The following PDGFA variants were observed in gnomAD, a reference collection of about 807,000 sequenced individuals.
PDGFA encodes the protein platelet-derived growth factor subunit A.
A neutral mutation model predicts 25.6 loss-of-function variants in PDGFA; 9 were observed. That is an observed-to-expected ratio of 0.35 (90% CI 0.21 to 0.61). PDGFA has a LOEUF of 0.61. Ranked by LOEUF, PDGFA falls within the 20% of genes least tolerant of loss-of-function variation. The pLI, the probability that PDGFA is intolerant of heterozygous loss-of-function variation, is 0.75. For synonymous variants in PDGFA, 133 were observed against 111.8 expected (o/e 1.19, Z -1.20); for missense variants, 242 against 272.8 (o/e 0.89, Z 0.79).
intron 4 of PDGFA, 48 bp downstream of exon 4, chr7:510,761 G>A (rs1336596987): frequency 3.5e-6 from 2 of 578,034 alleles, no homozygotes; most frequent in African/African-American, 6.6e-5. Context: ...GGGGAGGGGA[G>A]AGGAGAGGAG....
intron 2 of PDGFA, among the ~76,000 whole-genome samples, chr7:514,194 C>T (rs959343629): frequency 2.6e-4 from 39 of 152,198 alleles, no homozygotes; most frequent in South Asian, 6.2e-4. Context: ...ATCACTTCTT[C>T]ACATCCGAGG....
rs1783149830 is a variant in PDGFA at position 517,251 on chromosome 7, A to G, written c.160+143T>C. The G allele has an allele frequency of 9.8e-6, 3 of 305,020 alleles. No individual in the cohort carries two copies. The highest frequency in any genetic ancestry group is 2.2e-5 in the African/African-American group (1 of 44,666). 18.9% of individuals were successfully genotyped at this position (305,020 alleles called of 1,614,324 possible). A position where few individuals can be genotyped will look rare whatever the true frequency, so the allele number is the denominator to read the frequency against. On this transcript the variant is annotated intron_variant, in intron 2 of 5. Coordinates refer to ENST00000402802, the Ensembl canonical transcript of PDGFA. The surrounding 1 kb of genome is among the most constrained non-coding windows in gnomAD (Gnocchi z 7.4). Reference sequence around the variant, plus strand: ...AGACTGGAAGAGAAACTCCTGACTCATCCGCCCGGGCGCTTATGGCTGGGG... The same window carrying G: ...AGACTGGAAGAGAAACTCCTGACTCGTCCGCCCGGGCGCTTATGGCTGGGG...
At chr7:506,182 A>T (rs1212712974) in intron 4 of PDGFA, among the ~76,000 whole-genome samples, 1 of 151,484 alleles carries the variant, frequency 6.6e-6, no homozygotes, top group East Asian at 1.9e-4. Flanking sequence ...TCTCAAAAAA[A>T]AAAAAAAAAT....
intron 4 of PDGFA, among the ~76,000 whole-genome samples, chr7:504,320 G>A (rs1290969324): frequency 6.6e-6 from 1 of 152,058 alleles, no homozygotes; most frequent in African/African-American, 2.4e-5. Flanking sequence ...AGGATGAACT[G>A]CAGCAAAGCC....
intron 2 of PDGFA, among the ~76,000 whole-genome samples, chr7:516,915 G>T (rs1783129211): frequency 6.6e-6 from 1 of 152,024 alleles, no homozygotes; most frequent in Admixed American, 6.6e-5. Flanking sequence ...GCACCAGCTC[G>T]CAGGGATTAC....
chr7:509,975 G>C (rs540729451), intron 4 of PDGFA, among the ~76,000 whole-genome samples: 232 of 152,248 alleles, frequency 1.5e-3, no homozygotes, highest in Non-Finnish European at 2.6e-3. Flanking sequence ...TGCTTTAGGG[G>C]GGAAGCCGGG....
intron 4 of PDGFA, among the ~76,000 whole-genome samples, chr7:506,256 C>T (rs1162683885): frequency 6.6e-6 from 1 of 151,662 alleles, no homozygotes; most frequent in African/African-American, 2.4e-5. Context: ...CCAGCCTGGC[C>T]AACAAAGCAA....
chr7:512,311 A>ACCCGG (rs1397406534), intron 3 of PDGFA, 40 bp downstream of exon 3: 1 of 1,541,788 alleles, frequency 6.5e-7, no homozygotes, highest in South Asian at 1.2e-5. Context: ...ACTCACCCTG[A>ACCCGG]CCCGGCCCTG....
intron 5 of PDGFA, among the ~76,000 whole-genome samples, chr7:499,715 G>GCATTCCCCCC (rs1782239155): frequency 3.0e-5 from 1 of 33,184 alleles, no homozygotes; most frequent in African/African-American, 1.8e-4. Flanking sequence ...GTGTTATTTT[G>GCATTCCCCCC]CCCTTCCCCC....
At position 517,582 on chromosome 7, in the gene PDGFA, AG is replaced by A; in HGVS notation, c.64-93del. On this transcript the variant is annotated intron_variant, in intron 1 of 5. Transcript: ENST00000402802. The surrounding 1 kb of genome is among the most constrained non-coding windows in gnomAD (Gnocchi z 7.4). ...CAGGAGCGCCGCCGCCCCGGGCCCG[AG>A]GAGACCCCGCGAGCGCCGGCCGCAG... 1 of 316,672 alleles carries A rather than the reference AG, an allele frequency of 3.2e-6. No homozygotes were observed. Among genetic ancestry groups the A allele is most frequent in the Non-Finnish European group, 4.6e-6 (1 of 216,740 alleles). The allele number at this position is 316,672 out of a possible 1,614,324, so 19.6% of individuals were successfully genotyped here. A position where few individuals can be genotyped will look rare whatever the true frequency, so the allele number is the denominator to read the frequency against.
At chr7:503,282 G>T (rs1175052930) in intron 4 of PDGFA, among the ~76,000 whole-genome samples, 1 of 152,174 alleles carries the variant, frequency 6.6e-6, no homozygotes, top group Non-Finnish European at 1.5e-5. Flanking sequence ...CGCTCCATCT[G>T]TGCCCACGGA....
Position 500,470 on chromosome 7 carries a change from T to C in PDGFA, c.580+646A>G, listed in dbSNP as rs759079569. 4.3e-6 allele frequency: 7 copies of C among 1,614,076 alleles called. No individual in the cohort carries two copies. Among genetic ancestry groups the C allele is most frequent in the Admixed American group, 3.3e-5 (2 of 60,028 alleles). On this transcript the variant is annotated intron_variant, in intron 5 of 5. Transcript: ENST00000402802. This position sits in a 1 kb window ranked among gnomAD's most constrained non-coding sequence, Gnocchi z 5.0. ...TAGGTGGGTTTTAACCTTTTTCTTT[T>C]CCGTTTTTTACCTGACTCCCTAGGC... is the stretch of plus-strand genomic sequence containing the variant.
At chr7:507,982 G>C (rs1003502502) in intron 4 of PDGFA, among the ~76,000 whole-genome samples, 11 of 152,296 alleles carry the variant, frequency 7.2e-5, no homozygotes, top group Admixed American at 1.3e-4. Flanking sequence ...AAAGGGGAGT[G>C]AGTGGCCTTG....
At chr7:505,934 G>A (rs1782542713) in intron 4 of PDGFA, among the ~76,000 whole-genome samples, 1 of 152,190 alleles carries the variant, frequency 6.6e-6, no homozygotes, top group Admixed American at 6.5e-5. Flanking sequence ...AGCACTTTGG[G>A]AGGTCGAGGC....
At chr7:501,513 C>A (rs140575318) in intron 4 of PDGFA, among the ~76,000 whole-genome samples, 213 of 152,324 alleles carry the variant, frequency 1.4e-3, no homozygotes, top group African/African-American at 5.0e-3. Flanking sequence ...CAGCCTCAAG[C>A]TCTTGGGCTC....
intron 2 of PDGFA, 140 bp from the exon 3 acceptor site, chr7:512,595 G>A (rs576763465): frequency 4.0e-5 from 62 of 1,544,418 alleles, no homozygotes; most frequent in Non-Finnish European, 4.6e-5. Context: ...CACAGCTCCC[G>A]CCATTAGGGG....
At chr7:512,422 G>A (rs375368814) in exon 3 of PDGFA, 1 of 1,613,778 alleles carries the variant, frequency 6.2e-7, no homozygotes, top group South Asian at 1.1e-5. Flanking sequence ...GACCCCGTGA[G>A]CTCTCAGGCT....
At chr7:505,798 T>C (rs560983396) in intron 4 of PDGFA, among the ~76,000 whole-genome samples, 1 of 152,176 alleles carries the variant, frequency 6.6e-6, no homozygotes, top group South Asian at 2.1e-4. Context: ...TCCAGAGCCC[T>C]GGCCCCACCG....
chr7:498,425 C>T (rs1782191357), exon 6 of PDGFA: 3 of 776,962 alleles, frequency 3.9e-6, no homozygotes, highest in Admixed American at 2.0e-5. Flanking sequence ...TCTCTTTGTT[C>T]TCCCGAGTGT....
Sources: allele counts gnomAD v4.1 joint callset (sites outside exome capture counted in the v4.1 genomes callset), GRCh38; gene constraint gnomAD v4.1.1; non-coding constraint Gnocchi (gnomAD v3.1); transcripts MANE v1.5; gene names NCBI Gene and HGNC (gene_info 2026-07-23, HGNC 2026-07-21).